Variants in P4HA3 observed in about 807,000 individuals in gnomAD.
P4HA3 encodes prolyl 4-hydroxylase subunit alpha 3, also known as prolyl 4-hydroxylase subunit alpha-3.
A neutral mutation model predicts 66.7 loss-of-function variants in P4HA3; 60 were observed. That is an observed-to-expected ratio of 0.90 (90% CI 0.73 to 1.12). P4HA3 has a LOEUF of 1.12. P4HA3 is among the 50% of genes most tolerant of loss of function. The probability of loss-of-function intolerance (pLI) is 0.00; values close to 1 mark genes in which losing one functional copy is unlikely to be tolerated. For synonymous variants in P4HA3, 263 were observed against 274.6 expected (o/e 0.96, Z 0.42); for missense variants, 683 against 685.8 (o/e 1.00, Z 0.05).
chr11:74,257,355 C>T (rs1300823465), intron 15 of P4HA3, among the ~76,000 whole-genome samples: 5 of 152,084 alleles, frequency 3.3e-5, no homozygotes, highest in African/African-American at 1.2e-4. Context: ...AAACTCCTGA[C>T]CTCGAGTGAT....
chr11:74,286,054 T>C, intron 6 of P4HA3, 69 bp from the exon 7 acceptor site: 2 of 1,518,946 alleles, frequency 1.3e-6, no homozygotes, highest in East Asian at 2.3e-5. Flanking sequence ...TTAGGGGAAC[T>C]ATGGCATAAA....
chr11:74,254,155 G>A (rs1316279799), intron 15 of P4HA3: 1 of 153,412 alleles, frequency 6.5e-6, no homozygotes, highest in East Asian at 1.9e-4. Context: ...AGAGCCCACT[G>A]TCCCACTCCC....
intron 3 of P4HA3, 43 bp from the exon 4 acceptor site, chr11:74,298,404 G>A (rs760544600): frequency 1.9e-6 from 3 of 1,568,240 alleles, no homozygotes; most frequent in Non-Finnish European, 1.7e-6. Context: ...TTATTCCACA[G>A]GTAGAAAAAG....
Position 74,268,207 on chromosome 11 carries a change from C to T in P4HA3, c.1502G>A (p.Ser501Asn), listed in dbSNP as rs1255158834. ...AALFWWNLHR[S>N]GEGDSDTLHA... ...AAGTGTGTCACTGTCCCCTTCACCA[C>T]TCCTGTGCAGGTTCCACCAAAACAG... The change falls in exon 12 of 13, where the codon AGT becomes AAT. Residue 501 changes from serine (S) to asparagine (N), a missense_variant. Ser to Asn is a conservative substitution (Grantham distance 46). Transcript: ENST00000331597. 5 of 1,613,986 alleles carry T rather than the reference C, an allele frequency of 3.1e-6. No homozygotes were observed. The highest frequency in any genetic ancestry group is 1.3e-5 in the African/African-American group (1 of 74,926).
At chr11:74,268,114 C>G (rs753412439) in intron 12 of P4HA3, 31 bp downstream of exon 12, 1 of 1,581,706 alleles carries the variant, frequency 6.3e-7, no homozygotes, top group East Asian at 2.2e-5. Flanking sequence ...ACCCTGTACC[C>G]CCTTCTCATG....
At chr11:74,297,233 C>T (rs1160683458) in intron 4 of P4HA3, among the ~76,000 whole-genome samples, 2 of 152,228 alleles carry the variant, frequency 1.3e-5, no homozygotes, top group Admixed American at 6.5e-5. Flanking sequence ...GGATTACAGG[C>T]GTGAGCCACC....
chr11:74,276,217 G>T (rs2134739582), intron 9 of P4HA3, among the ~76,000 whole-genome samples: 1 of 152,246 alleles, frequency 6.6e-6, no homozygotes, highest in African/African-American at 2.4e-5. Flanking sequence ...TCAATAGTTG[G>T]GTGATGGGTA....
chr11:74,301,122 T>C (rs1213543651), intron 3 of P4HA3, among the ~76,000 whole-genome samples: 2 of 152,092 alleles, frequency 1.3e-5, no homozygotes, highest in Non-Finnish European at 2.9e-5. Context: ...TTTAGCTGTA[T>C]GTAACATGTT....
At chr11:74,270,506 A>C (rs1466179930) in intron 10 of P4HA3, among the ~76,000 whole-genome samples, 1 of 145,232 alleles carries the variant, frequency 6.9e-6, no homozygotes, top group Non-Finnish European at 1.6e-5. Context: ...AATAATTATC[A>C]TTGTACCATC....
At position 74,273,555 on chromosome 11, in the gene P4HA3, A is replaced by C. The variant is rs1591093981; in HGVS notation, c.1388T>G (p.Phe463Cys). 6.4e-7 allele frequency: 1 copy of C among 1,560,522 alleles called. No individual in the cohort carries two copies. Among genetic ancestry groups the C allele is most frequent in the East Asian group, 2.4e-5 (1 of 41,794 alleles). The change falls in exon 10 of 13, where the codon TTT (phenylalanine) becomes TGT (cysteine). Residue 463 changes from phenylalanine to cysteine, a missense_variant. Transcript: ENST00000331597. ...CAGAGCAATACTCACATAGATCATA[A>C]ATGTTGCAACTCGGTTTCCTGACTT... ...RMKSGNRVATFMIYLSSVEAG... is the reference protein window; with the variant it reads ...RMKSGNRVATCMIYLSSVEAG...
intron 5 of P4HA3, among the ~76,000 whole-genome samples, chr11:74,288,529 A>G (rs1860880920): frequency 6.6e-6 from 1 of 152,180 alleles, no homozygotes; most frequent in South Asian, 2.1e-4. Context: ...TGGTTGGAAG[A>G]AGGAAGGGAC....
chr11:74,251,470 G>C, intron 15 of P4HA3: 1 of 1,431,876 alleles, frequency 7.0e-7, no homozygotes, highest in Non-Finnish European at 9.1e-7. Context: ...CAAGGATAGT[G>C]GGGAGGAGTC....
At chr11:74,255,556 C>T (rs770878190) in intron 15 of P4HA3, among the ~76,000 whole-genome samples, 5 of 152,196 alleles carry the variant, frequency 3.3e-5, no homozygotes. Flanking sequence ...GGAGATAAAC[C>T]GTACCTACCC....
chr11:74,268,667 C>T (rs1413607239), intron 11 of P4HA3, among the ~76,000 whole-genome samples: 1 of 152,226 alleles, frequency 6.6e-6, no homozygotes, highest in Non-Finnish European at 1.5e-5. Flanking sequence ...GAAGCTTTTC[C>T]TCCCTCAGGC....
chr11:74,264,196 A>C (rs1237762363), downstream of P4HA3, among the ~76,000 whole-genome samples: 1 of 151,588 alleles, frequency 6.6e-6, no homozygotes, highest in African/African-American at 2.4e-5. Flanking sequence ...GAGACAGACC[A>C]GTCCCAGCTC....
chr11:74,262,016 G>C (rs544516975), downstream of P4HA3, among the ~76,000 whole-genome samples: 5 of 152,152 alleles, frequency 3.3e-5, no homozygotes, highest in Non-Finnish European at 7.4e-5. Flanking sequence ...CTGCCCTCCA[G>C]TCCCATAACG....
At chr11:74,281,882 A>G (rs1356489412) in intron 7 of P4HA3, among the ~76,000 whole-genome samples, 5 of 148,218 alleles carry the variant, frequency 3.4e-5, no homozygotes, top group African/African-American at 1.2e-4. Flanking sequence ...AATAATAATA[A>G]TAATAATAAT....
chr11:74,257,317 G>T (rs1353834227), intron 15 of P4HA3, among the ~76,000 whole-genome samples: 2 of 152,076 alleles, frequency 1.3e-5, no homozygotes, highest in Non-Finnish European at 2.9e-5. Flanking sequence ...TAGAGATGGG[G>T]TTTTGCCATG....
At chr11:74,263,069 G>A (rs886690121), downstream of P4HA3, among the ~76,000 whole-genome samples, 1 of 152,222 alleles carries the variant, frequency 6.6e-6, no homozygotes, top group Non-Finnish European at 1.5e-5. Flanking sequence ...TGGCCATAGG[G>A]CCCTACCCTC....
Sources: gnomAD v4.1 joint callset for allele counts (sites outside exome capture counted in the v4.1 genomes callset) on GRCh38, gnomAD v4.1.1 for gene constraint, MANE v1.5 for transcripts, NCBI Gene and HGNC (gene_info 2026-07-23, HGNC 2026-07-21) for gene names.